Variants in ARFGEF1 observed in about 807,000 individuals in gnomAD.
ARFGEF1 encodes brefeldin A-inhibited guanine nucleotide-exchange protein 1.
ARFGEF1 carries 42 observed loss-of-function variants against 231.0 expected under a neutral mutation model. The observed-to-expected ratio is 0.18, with a 90% CI of 0.14 to 0.24. ARFGEF1 has a LOEUF of 0.24. Ranked by LOEUF, ARFGEF1 falls within the 10% of genes least tolerant of loss-of-function variation. The pLI is 1.00. For synonymous variants in ARFGEF1, 710 were observed against 732.3 expected, an observed-to-expected ratio of 0.97 and a Z score of 0.49; for missense variants, 1,345 against 2,192.0, an observed-to-expected ratio of 0.61 and a Z score of 7.72.
At chr8:67,289,065 T>C (rs1410825269) in intron 6 of ARFGEF1, among the ~76,000 whole-genome samples, 1 of 152,148 alleles carries the variant, frequency 6.6e-6, no homozygotes, top group Non-Finnish European at 1.5e-5. Flanking sequence ...GCACAGTCTA[T>C]TGCAGAGAAA....
chr8:67,219,006 G>A (rs1021426043), intron 30 of ARFGEF1, among the ~76,000 whole-genome samples: 2 of 151,928 alleles, frequency 1.3e-5, no homozygotes, highest in African/African-American at 4.8e-5. Flanking sequence ...TTTGCTCGTC[G>A]CCCAGGCTGC....
chr8:67,311,098 C>A (rs1361144538), intron 1 of ARFGEF1, among the ~76,000 whole-genome samples: 1 of 149,100 alleles, frequency 6.7e-6, no homozygotes, highest in Non-Finnish European at 1.5e-5. Context: ...GCCGCCCCGT[C>A]CGGGAGGGAG....
At chr8:67,212,307 TC>T (rs776212704) in intron 33 of ARFGEF1, among the ~76,000 whole-genome samples, 1 of 152,160 alleles carries the variant, frequency 6.6e-6, no homozygotes, top group Non-Finnish European at 1.5e-5. Context: ...GGTCTCCAAC[TC>T]CCGACCTCAG....
intron 38 of ARFGEF1, 41 bp from the exon 39 acceptor site, chr8:67,199,139 A>G (rs897297234): frequency 4.4e-6 from 7 of 1,587,926 alleles, no homozygotes; most frequent in Non-Finnish European, 3.4e-6. Flanking sequence ...GTGATTGCAA[A>G]CTGCAGAGCC....
rs920045001 is a variant in ARFGEF1 at position 67,192,590 on chromosome 8, TAAGAA to T, written c.560+7801_560+7805del. Among the ~76,000 whole-genome samples the T allele has an allele frequency of 1.3e-4, 20 of 152,164 alleles. 2 individuals are homozygous for T. The highest frequency in any genetic ancestry group is 1.2e-3 in the Admixed American group (19 of 15,278). On this transcript the variant is annotated intron_variant, in intron 5 of 5. Coordinates refer to the ARFGEF1 transcript ENST00000518789. ...TTTCTTGGGCTTTTGGTGTCTTAAT[TAAGAA>T]ACCATTGCCAACCACAAGATCATGA...
intron 18 of ARFGEF1, among the ~76,000 whole-genome samples, chr8:67,252,719 G>C (rs955389865): frequency 6.6e-6 from 1 of 152,170 alleles, no homozygotes; most frequent in Non-Finnish European, 1.5e-5. Context: ...TGTCTAGAAG[G>C]GGGCTGGGTT....
chr8:67,177,704 C>CT, intron 5 of ARFGEF1: 1 of 1,611,864 alleles, frequency 6.2e-7, no homozygotes, highest in Non-Finnish European at 8.5e-7. Flanking sequence ...ATCCCAAGTG[C>CT]TAAAGTACGA....
rs113902408 is a variant in ARFGEF1, at chr8:67,312,369, T to C, written c.125-9903A>G. Among the ~76,000 whole-genome samples the C allele has an allele frequency of 2.0e-3, 301 of 151,684 alleles. 4 individuals are homozygous for C. The highest frequency in any genetic ancestry group is 6.9e-3 in the African/African-American group (286 of 41,330). Reference sequence around the variant, plus strand: ...AGAAGAAAAATGATTACAGTGACAGTGGACTTCTTATTGGACACCATGGAA... The same window carrying C: ...AGAAGAAAAATGATTACAGTGACAGCGGACTTCTTATTGGACACCATGGAA... On this transcript the variant is annotated intron_variant, in intron 1 of 38. Transcript: ENST00000262215.
intron 23 of ARFGEF1, 41 bp downstream of exon 23, chr8:67,232,814 A>AAT: frequency 6.8e-7 from 1 of 1,461,986 alleles, no homozygotes; most frequent in Non-Finnish European, 9.4e-7. Context: ...AAAGAACTGA[A>AAT]ATAGTAATCA....
intron 35 of ARFGEF1, 93 bp from the exon 36 acceptor site, chr8:67,203,344 G>A: frequency 2.9e-6 from 4 of 1,384,872 alleles, no homozygotes; most frequent in Non-Finnish European, 4.0e-6. Context: ...AGTTTTACAA[G>A]AAAGCCACAG....
chr8:67,309,231 T>C (rs1166089961), intron 1 of ARFGEF1, among the ~76,000 whole-genome samples: 2 of 151,876 alleles, frequency 1.3e-5, no homozygotes, highest in African/African-American at 4.8e-5. Flanking sequence ...AGAAGTAGAG[T>C]AGAATGAGGG....
chr8:67,260,412 C>T (rs1054480643), intron 14 of ARFGEF1, among the ~76,000 whole-genome samples: 3 of 152,176 alleles, frequency 2.0e-5, no homozygotes, highest in African/African-American at 7.2e-5. Flanking sequence ...CTCTTTGTAT[C>T]TGTGTCACAT....
Position 67,301,384 on chromosome 8 carries a change from A to C in ARFGEF1, c.156-4T>G. ...TTTTGCTTCTCCATGAGGAGGACTA[A>C]ATGAGAAAGAAAAGTCTGATTATAG... On this transcript the variant is annotated splice_region_variant and splice_polypyrimidine_tract_variant and intron_variant, in intron 2 of 38. Coordinates refer to ENST00000262215, the MANE Select transcript of ARFGEF1 (RefSeq NM_006421.5). 6.2e-7 allele frequency: 1 copy of C among 1,605,758 alleles called. No homozygotes were observed. Among genetic ancestry groups the C allele is most frequent in the Non-Finnish European group, 8.5e-7 (1 of 1,177,658 alleles).
At position 67,267,400 on chromosome 8, in the gene ARFGEF1, T is replaced by G; in HGVS notation, c.1615A>C (p.Thr539Pro). 6.2e-7 allele frequency: 1 copy of G among 1,611,984 alleles called. No individual in the cohort carries two copies. Among genetic ancestry groups the G allele is most frequent in the Non-Finnish European group, 8.5e-7 (1 of 1,179,166 alleles). ...EIFLYILETS[T>P]SSFDHKWMVI... is the part of the protein sequence containing the mutation. ...ATCCATTTGTGATCAAATGAGCTGGTAGAAGTTTCCAAAATGTATAAGAAA... is the reference window on the plus strand; with the variant it reads ...ATCCATTTGTGATCAAATGAGCTGGGAGAAGTTTCCAAAATGTATAAGAAA... Residue 539 changes from threonine (T) to proline (P), a missense_variant, in exon 11 of 39, where the codon ACC becomes CCC. Around this residue, in one of 14 missense-constraint regions of ARFGEF1, gnomAD observed 141 missense variants for 259.9 expected, o/e 0.54. Transcript: ENST00000262215.
chr8:67,232,326 A>G (rs1374422412), intron 23 of ARFGEF1, among the ~76,000 whole-genome samples: 1 of 152,060 alleles, frequency 6.6e-6, no homozygotes, highest in Non-Finnish European at 1.5e-5. Context: ...TAAAATTGGA[A>G]ATATTCTGTA....
At chr8:67,294,981 G>A (rs894504562) in intron 5 of ARFGEF1, among the ~76,000 whole-genome samples, 18 of 152,098 alleles carry the variant, frequency 1.2e-4, no homozygotes, top group African/African-American at 4.3e-4. Context: ...AAGCATGGAA[G>A]TACTCAAAAA....
intron 1 of ARFGEF1, among the ~76,000 whole-genome samples, chr8:67,317,882 G>A (rs1431279056): frequency 7.1e-6 from 1 of 140,522 alleles, no homozygotes; most frequent in African/African-American, 2.7e-5. Context: ...CTGGGTGACA[G>A]AGCAAGACTC....
At chr8:67,178,165 C>T (rs967319974) in intron 5 of ARFGEF1, among the ~76,000 whole-genome samples, 1 of 152,230 alleles carries the variant, frequency 6.6e-6, no homozygotes, top group Non-Finnish European at 1.5e-5. Context: ...AAAGCCCTTA[C>T]AGCAGTCCTG....
intron 1 of ARFGEF1, among the ~76,000 whole-genome samples, chr8:67,337,128 CAAAAAAAA>C (rs1160016610): frequency 2.5e-4 from 14 of 55,000 alleles, no homozygotes; most frequent in African/African-American, 8.8e-4. Flanking sequence ...GACGCCGTCT[CAAAAAAAA>C]AAAAAAAAAA....
Sources: gnomAD v4.1 joint callset for allele counts (sites outside exome capture counted in the v4.1 genomes callset) on GRCh38, gnomAD v4.1.1 for gene constraint, gnomAD v4.1.1 regional missense constraint, MANE v1.5 for transcripts, NCBI Gene and HGNC (gene_info 2026-07-23, HGNC 2026-07-21) for gene names.